XKR6: variants seen among roughly 807,000 people sequenced by gnomAD.
XKR6 encodes the protein XK related 6.
A neutral mutation model predicts 56.7 loss-of-function variants in XKR6; 22 were observed. The ratio of observed to expected loss-of-function variants is 0.39; its 90% CI spans 0.28 to 0.55. XKR6 has a LOEUF of 0.55. Among genes scored for constraint, XKR6 ranks in the 20% least tolerant of loss-of-function variants. The pLI is 0.66. For missense variants in XKR6, 852 were observed against 889.0 expected, an observed-to-expected ratio of 0.96 and a Z score of 0.53; for synonymous variants, 524 against 387.8, an observed-to-expected ratio of 1.35 and a Z score of -4.13.
At chr8:11,185,750 T>C (rs929070509) in intron 1 of XKR6, among the ~76,000 whole-genome samples, 1 of 152,224 alleles carries the variant, frequency 6.6e-6, no homozygotes, top group Non-Finnish European at 1.5e-5. Flanking sequence ...GGCACATGGC[T>C]ACAATACTTT....
chr8:10,996,372 C>T (rs560595465), intron 1 of XKR6, among the ~76,000 whole-genome samples: 1 of 152,164 alleles, frequency 6.6e-6, no homozygotes, highest in Non-Finnish European at 1.5e-5. Context: ...TTACTGCTCC[C>T]AGGTAATTTG....
At chr8:11,112,763 C>G (rs942330641) in intron 1 of XKR6, among the ~76,000 whole-genome samples, 4 of 152,192 alleles carry the variant, frequency 2.6e-5, no homozygotes, top group Non-Finnish European at 5.9e-5. Context: ...CTCTCCCAGT[C>G]AACCTAATGG....
intron 1 of XKR6, among the ~76,000 whole-genome samples, chr8:11,039,419 C>T (rs1799228437): frequency 6.6e-6 from 1 of 152,234 alleles, no homozygotes; most frequent in Admixed American, 6.5e-5. Context: ...AGGCCAAGGC[C>T]AGCCTTTCCC....
chr8:11,148,212 A>G (rs1357242799), intron 1 of XKR6, among the ~76,000 whole-genome samples: 2 of 152,186 alleles, frequency 1.3e-5, no homozygotes, highest in South Asian at 2.1e-4. Flanking sequence ...CCTGTCTCAA[A>G]AACAAACAGA....
rs546098756 is a variant in XKR6, at chr8:11,060,669, G to A, written c.765-135839C>T. ...CAGTCTAGAAGGGGAAGACAGGGAA[G>A]ACAAAGTGGACAGGAATCACCGCTA... On this transcript the variant is annotated intron_variant, in intron 1 of 2. Transcript: ENST00000416569. 9.8e-5 allele frequency among the ~76,000 whole-genome samples: 15 copies of A among 152,368 alleles called. 1 individual carries two copies. Among genetic ancestry groups the A allele is most frequent in the African/African-American group, 3.4e-4 (14 of 41,594 alleles).
At chr8:11,138,858 A>G (rs940042176) in intron 1 of XKR6, among the ~76,000 whole-genome samples, 1 of 152,132 alleles carries the variant, frequency 6.6e-6, no homozygotes, top group Non-Finnish European at 1.5e-5. Flanking sequence ...TAAAACAAAT[A>G]ACTTATGTTC....
chr8:11,091,627 G>A (rs1228020916), intron 1 of XKR6, among the ~76,000 whole-genome samples: 1 of 152,112 alleles, frequency 6.6e-6, no homozygotes, highest in African/African-American at 2.4e-5. Flanking sequence ...GTGGGAGTTG[G>A]TTTTACATGT....
At chr8:11,077,369 G>T (rs772612650) in intron 1 of XKR6, among the ~76,000 whole-genome samples, 15 of 152,130 alleles carry the variant, frequency 9.9e-5, no homozygotes, top group Non-Finnish European at 1.6e-4. Flanking sequence ...TGGCTGCAGG[G>T]TCACATGGGG....
chr8:10,973,539 G>T (rs1356577011), intron 1 of XKR6, among the ~76,000 whole-genome samples: 1 of 152,174 alleles, frequency 6.6e-6, no homozygotes, highest in Non-Finnish European at 1.5e-5. Context: ...CTCAGGGAAA[G>T]CGTAAGGCTA....
At chr8:11,105,431 C>T (rs1586551228) in intron 1 of XKR6, 1 of 152,294 alleles carries the variant, frequency 6.6e-6, no homozygotes, top group East Asian at 1.9e-4. Flanking sequence ...ACTGCGGGGG[C>T]TCCTGGTGCT....
intron 1 of XKR6, among the ~76,000 whole-genome samples, chr8:11,142,473 C>G (rs138796755): frequency 9.7e-4 from 147 of 152,260 alleles, no homozygotes; most frequent in African/African-American, 3.4e-3. Flanking sequence ...GAGGTGCGGC[C>G]TGGTGGGAGG....
rs146299462 is a variant in XKR6, at chr8:11,035,895, A to T, written c.765-111065T>A. ...TCTAGGGCTCCCCTTTGTGTATCTG[A>T]CCAGATGCATGTGAGAAATCTGAGT... On this transcript the variant is annotated intron_variant, in intron 1 of 2. Transcript: ENST00000416569. 3.3e-3 allele frequency among the ~76,000 whole-genome samples: 495 copies of T among 149,980 alleles called. 2 individuals carry two copies. Among genetic ancestry groups the T allele is most frequent in the African/African-American group, 0.012 (478 of 40,794 alleles).
rs566795659 is a variant in XKR6 at position 10,916,818 on chromosome 8, G to A, written c.961+7816C>T. On this transcript the variant is annotated intron_variant, in intron 2 of 2. Transcript: ENST00000416569. ...CCGAATTGTCCTTCTGAGTTGTTTGGACGCAGTCAGTCTGAGTTCTCGCTG... is the reference window on the plus strand; with the variant it reads ...CCGAATTGTCCTTCTGAGTTGTTTGAACGCAGTCAGTCTGAGTTCTCGCTG... Among the ~76,000 whole-genome samples the A allele has an allele frequency of 2.0e-3, 300 of 152,324 alleles. 1 individual carries two copies. The highest frequency in any genetic ancestry group is 3.8e-3 in the Non-Finnish European group (257 of 68,028).
At chr8:10,899,821 A>G (rs1367512391) in intron 2 of XKR6, among the ~76,000 whole-genome samples, 1 of 152,144 alleles carries the variant, frequency 6.6e-6, no homozygotes, top group Non-Finnish European at 1.5e-5. Context: ...GCCTAATCCC[A>G]AGTCATACTC....
At chr8:10,921,660 T>G (rs977333409) in intron 2 of XKR6, among the ~76,000 whole-genome samples, 1 of 152,190 alleles carries the variant, frequency 6.6e-6, no homozygotes. Flanking sequence ...ACCAGGTCCT[T>G]GGATTTCAAA....
At chr8:11,020,417 T>A (rs1798724790) in intron 1 of XKR6, among the ~76,000 whole-genome samples, 1 of 152,218 alleles carries the variant, frequency 6.6e-6, no homozygotes, top group African/African-American at 2.4e-5. Flanking sequence ...GTCCCAATGA[T>A]GTGGCAAGCC....
At chr8:10,919,180 C>T (rs1053200014) in intron 2 of XKR6, among the ~76,000 whole-genome samples, 2 of 152,202 alleles carry the variant, frequency 1.3e-5, no homozygotes, top group African/African-American at 4.8e-5. Context: ...TGGAACAAGT[C>T]AGGCTTTCCT....
chr8:11,111,251 T>C (rs1401980413), intron 1 of XKR6, among the ~76,000 whole-genome samples: 2 of 152,140 alleles, frequency 1.3e-5, no homozygotes, highest in Non-Finnish European at 2.9e-5. Flanking sequence ...TTTTGGCTAC[T>C]AATTTTGCAC....
intron 1 of XKR6, chr8:11,105,509 G>C (rs190425215): frequency 1.3e-5 from 2 of 152,330 alleles, no homozygotes; most frequent in African/African-American, 4.8e-5. Context: ...GAGTCAAGAA[G>C]GGGGTCTCCC....
Sources: allele counts gnomAD v4.1 joint callset (sites outside exome capture counted in the v4.1 genomes callset), GRCh38; gene constraint gnomAD v4.1.1; transcripts MANE v1.5; gene names NCBI Gene and HGNC (gene_info 2026-07-23, HGNC 2026-07-21).